Variants in RAC1 observed in about 807,000 individuals in gnomAD.
RAC1 encodes the protein Rac family small GTPase 1.
Under a neutral mutation model 25.2 loss-of-function variants are expected in RAC1, and 2 were observed. The ratio of observed to expected loss-of-function variants is 0.08; its 90% CI spans 0.03 to 0.25. The LOEUF (loss-of-function observed/expected upper bound fraction) is 0.25. Among genes scored for constraint, RAC1 ranks in the 10% least tolerant of loss-of-function variants. RAC1 has a pLI of 1.00. For synonymous variants in RAC1, 88 were observed against 94.0 expected, an observed-to-expected ratio of 0.94 and a Z score of 0.37; for missense variants, 50 against 235.7, an observed-to-expected ratio of 0.21 and a Z score of 5.16.
At chr7:6,397,057 A>C (rs1783259027) in intron 3 of RAC1, among the ~76,000 whole-genome samples, 2 of 138,870 alleles carry the variant, frequency 1.4e-5, no homozygotes, top group Non-Finnish European at 3.1e-5. Flanking sequence ...AAAAAAAAGA[A>C]AAGAAACCCC....
chr7:6,393,715 G>A (rs1484983765), intron 3 of RAC1, among the ~76,000 whole-genome samples: 2 of 152,172 alleles, frequency 1.3e-5, no homozygotes, highest in Non-Finnish European at 2.9e-5. Flanking sequence ...AGTGGGACAT[G>A]GTTCTTGCCC....
intron 2 of RAC1, chr7:6,391,538 C>T (rs1032601263): frequency 4.4e-6 from 1 of 225,550 alleles, no homozygotes; most frequent in Non-Finnish European, 8.9e-6. Flanking sequence ...AGCTAGCTCT[C>T]TTGCTGAAAA....
rs761992651 is a variant in RAC1, at chr7:6,392,066, T to C, written c.225+25T>C. On this transcript the variant is annotated intron_variant, in intron 3 of 5. Transcript: ENST00000348035. ...AGTAAGGATTGCAGCTGACTTTTAA[T>C]GTGTCTTTTAGAGTATATAATTCTC... The C allele has an allele frequency of 5.0e-6, 8 of 1,614,016 alleles. No homozygotes were observed. In the Admixed American group the frequency reaches 1.3e-4, roughly 27 times the overall value.
chr7:6,392,116 C>CT, intron 3 of RAC1, 75 bp downstream of exon 3: 1 of 1,597,346 alleles, frequency 6.3e-7, no homozygotes, highest in African/African-American at 1.3e-5. Flanking sequence ...TGCATGTTAC[C>CT]TATGGACTTG....
intron 3 of RAC1, among the ~76,000 whole-genome samples, chr7:6,395,754 C>T (rs1185030193): frequency 6.6e-6 from 1 of 152,160 alleles, no homozygotes; most frequent in Non-Finnish European, 1.5e-5. Flanking sequence ...TCAGGGCTGC[C>T]TGACCCTTTT....
rs759657943 is a variant in RAC1 at position 6,402,404 on chromosome 7, G to A, written c.537G>A (p.Pro179=). 7.5e-6 allele frequency: 12 copies of A among 1,606,054 alleles called. No homozygotes were observed. The highest frequency in any genetic ancestry group is 6.7e-5 in the East Asian group (3 of 44,450). ...AAGCGATCCGAGCAGTCCTCTGCCC[G>A]CCTCCCGTGAAGAAGAGGAAGAGAA... The part of the protein sequence containing the change: ...FDEAIRAVLC[P]PPVKKRKRKC... Residue 179 remains proline, a synonymous_variant, in exon 6 of 6, where the codon CCG becomes CCA. Transcript: ENST00000348035.
Position 6,385,236 on chromosome 7 carries a change from A to G in RAC1, c.36-1976A>G, listed in dbSNP as rs562805553. Among the ~76,000 whole-genome samples, 5 of 152,298 alleles carry G rather than the reference A, an allele frequency of 3.3e-5. No homozygotes were observed. The South Asian group carries it at 8.3e-4, about 25-fold the overall frequency. On this transcript the variant is annotated intron_variant, in intron 1 of 5. Transcript: ENST00000348035. ...GCATTCTTAATTTTTAAATTTAACAACTGCACTTACTTCATGAGGTCTTGT... is the reference window on the plus strand; with the variant it reads ...GCATTCTTAATTTTTAAATTTAACAGCTGCACTTACTTCATGAGGTCTTGT...
At chr7:6,379,516 A>G (rs1049242766) in intron 1 of RAC1, among the ~76,000 whole-genome samples, 1 of 151,956 alleles carries the variant, frequency 6.6e-6, no homozygotes, top group African/African-American at 2.4e-5. Flanking sequence ...CAGGTTATCC[A>G]CCTGCCTTAG....
At chr7:6,375,046 G>A (rs1294836267) in intron 1 of RAC1, among the ~76,000 whole-genome samples, 1 of 151,104 alleles carries the variant, frequency 6.6e-6, no homozygotes, top group Non-Finnish European at 1.5e-5. Context: ...TTTCTTCCCG[G>A]ACGCCGCCCG....
At chr7:6,397,344 G>T (rs185615497) in intron 3 of RAC1, among the ~76,000 whole-genome samples, 1,572 of 152,014 alleles carry the variant, frequency 0.01, 27 homozygotes, top group African/African-American at 0.036. Flanking sequence ...ACCCAGACTG[G>T]AGTGCAGTGT....
intron 3 of RAC1, chr7:6,398,549 A>G (rs1450262521): frequency 1.2e-6 from 1 of 827,152 alleles, no homozygotes; most frequent in Admixed American, 2.5e-5. Flanking sequence ...ATGCTTTTGG[A>G]TCTCTCCGGA....
intron 2 of RAC1, among the ~76,000 whole-genome samples, chr7:6,390,096 C>CCTTTTTTTTTTTTT (rs1554263519): frequency 8.0e-5 from 6 of 74,916 alleles, no homozygotes; most frequent in East Asian, 1.5e-3. Flanking sequence ...CCCTCCCTCC[C>CCTTTTTTTTTTTTT]TTTTTTTTTT....
At chr7:6,377,440 A>G (rs1347873271) in intron 1 of RAC1, among the ~76,000 whole-genome samples, 2 of 152,062 alleles carry the variant, frequency 1.3e-5, no homozygotes, top group African/African-American at 4.8e-5. Context: ...CTAAAAATAC[A>G]AAAATTAGCT....
At position 6,395,164 on chromosome 7, in the gene RAC1, C is replaced by CGAAA. The variant is rs1783200041; in HGVS notation, c.225+3123_225+3124insGAAA. Reference sequence around the variant, plus strand: ...ATTTTTAGTAGAGACGGGGGTTTCTCCACTTTGGTCAGGCTGGTCTCCAAC... The same window carrying CGAAA: ...ATTTTTAGTAGAGACGGGGGTTTCTCGAAACACTTTGGTCAGGCTGGTCTCCAAC... On this transcript the variant is annotated intron_variant, in intron 3 of 5. Coordinates refer to ENST00000348035, the MANE Select transcript of RAC1 (RefSeq NM_006908.5). Among the ~76,000 whole-genome samples, 14 of 152,210 alleles carry CGAAA rather than the reference C, an allele frequency of 9.2e-5. No individual in the cohort carries two copies. The South Asian group carries it at 2.9e-3, about 32-fold the overall frequency.
At chr7:6,398,190 G>A (rs1383230005) in intron 3 of RAC1, among the ~76,000 whole-genome samples, 1 of 144,284 alleles carries the variant, frequency 6.9e-6, no homozygotes, top group Non-Finnish European at 1.5e-5. Context: ...CCTGAGGCCC[G>A]GCTATGTTCT....
At chr7:6,387,423 TTATAAGG>T (rs1417498712) in intron 2 of RAC1, 140 bp downstream of exon 2, 1 of 653,938 alleles carries the variant, frequency 1.5e-6, no homozygotes, top group African/African-American at 1.9e-5. Context: ...TGAAACCTAA[TTATAAGG>T]TATATTAGGC....
intron 3 of RAC1, among the ~76,000 whole-genome samples, chr7:6,399,419 G>A (rs1783337212): frequency 6.6e-6 from 1 of 152,210 alleles, no homozygotes; most frequent in Non-Finnish European, 1.5e-5. Flanking sequence ...ATTTGAATTT[G>A]GTTTGACACA....
At chr7:6,390,649 A>G (rs531992007) in intron 2 of RAC1, among the ~76,000 whole-genome samples, 4 of 151,946 alleles carry the variant, frequency 2.6e-5, no homozygotes, top group Non-Finnish European at 5.9e-5. Context: ...TCAGAATTGT[A>G]TGTTGTACTT....
chr7:6,402,123 A>C, intron 5 of RAC1, 96 bp downstream of exon 5: 2 of 1,469,466 alleles, frequency 1.4e-6, no homozygotes, highest in Non-Finnish European at 1.9e-6. Flanking sequence ...TGTGTCTCCC[A>C]CTCAGGGCCT....
Sources: gnomAD v4.1 joint callset for allele counts (sites outside exome capture counted in the v4.1 genomes callset) on GRCh38, gnomAD v4.1.1 for gene constraint, MANE v1.5 for transcripts, NCBI Gene and HGNC (gene_info 2026-07-23, HGNC 2026-07-21) for gene names.